The following ROR2 variants were observed in gnomAD, a reference collection of about 807,000 sequenced individuals.
ROR2 encodes tyrosine-protein kinase transmembrane receptor ROR2.
Under a neutral mutation model 74.9 loss-of-function variants are expected in ROR2, and 33 were observed. The ratio of observed to expected loss-of-function variants is 0.44; its 90% confidence interval spans 0.33 to 0.59. The LOEUF (loss-of-function observed/expected upper bound fraction) is 0.59. Ranked by LOEUF, ROR2 falls within the 20% of genes least tolerant of loss-of-function variation. The pLI is 0.02. For missense variants in ROR2, 1,216 were observed against 1,313.8 expected (o/e 0.93, Z 1.15); for synonymous variants, 586 against 558.7 (o/e 1.05, Z -0.69).
At chr9:91,747,771 T>C (rs1825471349) in intron 4 of ROR2, among the ~76,000 whole-genome samples, 1 of 152,162 alleles carries the variant, frequency 6.6e-6, no homozygotes, top group Non-Finnish European at 1.5e-5. Context: ...GTCAGTCTAC[T>C]GAAACAGAAT....
chr9:91,910,827 C>A (rs193276066), intron 1 of ROR2, among the ~76,000 whole-genome samples: 1 of 152,218 alleles, frequency 6.6e-6, no homozygotes, highest in East Asian at 1.9e-4. Flanking sequence ...CCATGCCCAG[C>A]TAATTTTTGT....
At chr9:91,930,349 A>T (rs1831517730) in intron 1 of ROR2, among the ~76,000 whole-genome samples, 1 of 152,102 alleles carries the variant, frequency 6.6e-6, no homozygotes, top group Admixed American at 6.5e-5. Flanking sequence ...CCTTCTTTCC[A>T]CGCATTTACC....
intron 1 of ROR2, among the ~76,000 whole-genome samples, chr9:91,870,274 T>C (rs1023319484): frequency 1.4e-4 from 21 of 152,254 alleles, no homozygotes; most frequent in Admixed American, 1.3e-4. Context: ...TTTTCTTGAC[T>C]GATCCCAACT....
intron 1 of ROR2, among the ~76,000 whole-genome samples, chr9:91,869,094 A>G (rs12002884): frequency 0.12 from 17,518 of 152,094 alleles, 2,201 homozygotes; most frequent in African/African-American, 0.32. Context: ...GTCTCGCCCT[A>G]TCACCCAGGC....
intron 1 of ROR2, among the ~76,000 whole-genome samples, chr9:91,942,110 G>C (rs1831887957): frequency 6.6e-6 from 1 of 152,102 alleles, no homozygotes; most frequent in Admixed American, 6.6e-5. Context: ...CTTCAAGCTG[G>C]ACCTGGCCTG....
intron 1 of ROR2, among the ~76,000 whole-genome samples, chr9:91,867,499 G>A (rs1490110321): frequency 6.6e-6 from 1 of 152,168 alleles, no homozygotes; most frequent in Non-Finnish European, 1.5e-5. Flanking sequence ...AGGTGAGTAT[G>A]CAGCCAAACA....
chr9:91,936,044 A>G (rs149720384), intron 1 of ROR2, among the ~76,000 whole-genome samples: 109 of 152,348 alleles, frequency 7.2e-4, no homozygotes, highest in African/African-American at 2.5e-3. Context: ...TCCTGACCGC[A>G]GCACTGACCA....
intron 7 of ROR2, 34 bp downstream of exon 7, chr9:91,730,876 C>G (rs1270481068): frequency 6.2e-7 from 1 of 1,613,602 alleles, no homozygotes; most frequent in East Asian, 2.2e-5. Context: ...ACTCAACAAT[C>G]AACACATTAA....
chr9:91,948,925 C>G (rs1259306108), intron 1 of ROR2: 1 of 985,272 alleles, frequency 1.0e-6, no homozygotes, highest in South Asian at 4.7e-5. Context: ...ACCGCCAGAG[C>G]TAACGCCGCC....
At chr9:91,762,196 G>C (rs1173762682) in intron 2 of ROR2, among the ~76,000 whole-genome samples, 1 of 152,098 alleles carries the variant, frequency 6.6e-6, no homozygotes, top group Non-Finnish European at 1.5e-5. Context: ...TCCAGCCCCG[G>C]TTTCCTAAGG....
chr9:91,874,797 T>C (rs182776605), intron 1 of ROR2, among the ~76,000 whole-genome samples: 30 of 152,142 alleles, frequency 2.0e-4, no homozygotes, highest in Admixed American at 1.5e-3. Context: ...TAGCCAGGCA[T>C]GGTGGCGAAT....
intron 1 of ROR2, among the ~76,000 whole-genome samples, chr9:91,936,536 T>C (rs1172105447): frequency 6.6e-6 from 1 of 152,202 alleles, no homozygotes; most frequent in Non-Finnish European, 1.5e-5. Context: ...TTTCTCCAAA[T>C]AAGGTTACAT....
chr9:91,847,382 C>T (rs1262776392), intron 1 of ROR2, among the ~76,000 whole-genome samples: 1 of 152,198 alleles, frequency 6.6e-6, no homozygotes, highest in African/African-American at 2.4e-5. Context: ...ACAAGATCTA[C>T]TGCCAGGTCC....
intron 1 of ROR2, among the ~76,000 whole-genome samples, chr9:91,880,507 A>C (rs1226017136): frequency 2.0e-5 from 3 of 152,238 alleles, no homozygotes; most frequent in Non-Finnish European, 4.4e-5. Flanking sequence ...CCATGAATAT[A>C]GTGAGAGCCT....
At chr9:91,836,538 T>TAAAAAAA (rs780112183) in intron 1 of ROR2, among the ~76,000 whole-genome samples, 1 of 111,050 alleles carries the variant, frequency 9.0e-6, no homozygotes. Flanking sequence ...AGATTCCATC[T>TAAAAAAA]CAAAAAAAAA....
chr9:91,727,115 A>C (rs1837068061), intron 7 of ROR2, among the ~76,000 whole-genome samples: 1 of 152,242 alleles, frequency 6.6e-6, no homozygotes, highest in Non-Finnish European at 1.5e-5. Context: ...AGGTCTCCCC[A>C]GCTACTGACA....
intron 1 of ROR2, among the ~76,000 whole-genome samples, chr9:91,845,320 C>T (rs1273399127): frequency 6.6e-6 from 1 of 152,156 alleles, no homozygotes; most frequent in Non-Finnish European, 1.5e-5. Context: ...GCCAGAGCCA[C>T]AAGGCCATGC....
Position 91,763,011 on chromosome 9 carries a change from A to G in ROR2, c.176-5452T>C, listed in dbSNP as rs546441155. ...ATACAATGCAGCCATAAAAAAAATC[A>G]TATCCTTTGCGCAACATGGATGCAG... is the stretch of plus-strand genomic sequence containing the variant. On this transcript the variant is annotated intron_variant, in intron 2 of 8. Transcript: ENST00000375708. Among the ~76,000 whole-genome samples the G allele has an allele frequency of 2.6e-5, 4 of 152,322 alleles. 1 individual carries two copies. The South Asian group carries it at 6.2e-4, about 24-fold the overall frequency.
intron 1 of ROR2, among the ~76,000 whole-genome samples, chr9:91,794,617 G>A (rs1236659060): frequency 1.3e-5 from 2 of 151,970 alleles, no homozygotes; most frequent in East Asian, 3.9e-4. Context: ...CAGAGTCTCT[G>A]TCACCCAGGC....
Sources: gnomAD v4.1 joint callset for allele counts (sites outside exome capture counted in the v4.1 genomes callset) on GRCh38, gnomAD v4.1.1 for gene constraint, MANE v1.5 for transcripts, NCBI Gene and HGNC (gene_info 2026-07-23, HGNC 2026-07-21) for gene names.